OPCML: variants seen among roughly 807,000 people sequenced by gnomAD.
The protein encoded by OPCML is opioid binding protein/cell adhesion molecule like.
Under a neutral mutation model 37.8 loss-of-function variants are expected in OPCML, and 13 were observed. That is an observed-to-expected ratio of 0.34 (90% CI 0.22 to 0.55). The LOEUF is 0.55. Ranked by LOEUF, OPCML falls within the 20% of genes least tolerant of loss-of-function variation. OPCML has a pLI of 0.91. For synonymous variants in OPCML, 176 were observed against 168.8 expected (o/e 1.04, Z -0.33); for missense variants, 341 against 435.6 (o/e 0.78, Z 1.93).
intron 4 of OPCML, among the ~76,000 whole-genome samples, chr11:132,438,745 T>G (rs2096021770): frequency 6.6e-6 from 1 of 151,158 alleles, no homozygotes; most frequent in East Asian, 2.0e-4. Flanking sequence ...TGGGCTAGTG[T>G]GTAGTGTGTA....
intron 1 of OPCML, among the ~76,000 whole-genome samples, chr11:133,230,794 T>G (rs1940244602): frequency 6.6e-6 from 1 of 152,142 alleles, no homozygotes; most frequent in Non-Finnish European, 1.5e-5. Context: ...TTTCGCAAAG[T>G]GCCGCATTTC....
chr11:133,521,271 G>A (rs1034395128), intron 1 of OPCML, among the ~76,000 whole-genome samples: 5 of 152,218 alleles, frequency 3.3e-5, no homozygotes, highest in African/African-American at 4.8e-5. Flanking sequence ...GCTTGCCCAA[G>A]ATCACTTGGC....
chr11:133,108,239 T>C (rs1464109360), intron 1 of OPCML, among the ~76,000 whole-genome samples: 1 of 152,188 alleles, frequency 6.6e-6, no homozygotes, highest in South Asian at 2.1e-4. Context: ...CAGAGGAGAA[T>C]TGCTGCGAAT....
chr11:132,931,646 T>C lies in OPCML; in HGVS notation c.146+11280A>G, dbSNP rs117935090. ...TTAAAGTCACTATTAATGAAAATAA[T>C]AGAAACAGAAAATAAGTGTTGGCAA... On this transcript the variant is annotated intron_variant, in intron 2 of 7. Transcript: ENST00000524381. Among the ~76,000 whole-genome samples the C allele has an allele frequency of 2.9e-3, 442 of 152,210 alleles. 1 individual carries two copies. The highest frequency in any genetic ancestry group is 4.9e-3 in the Non-Finnish European group (333 of 67,982).
chr11:133,064,651 T>C (rs1948409875), intron 1 of OPCML: 1 of 152,278 alleles, frequency 6.6e-6, no homozygotes, highest in Admixed American at 6.5e-5. Flanking sequence ...GGAATGGGAC[T>C]TCCGGGCCGG....
chr11:132,655,101 G>A (rs1356754520), intron 3 of OPCML, among the ~76,000 whole-genome samples: 1 of 152,210 alleles, frequency 6.6e-6, no homozygotes, highest in African/African-American at 2.4e-5. Flanking sequence ...ATTATGTTGT[G>A]CATTGACTTT....
At chr11:133,068,342 C>T (rs1948472086) in intron 1 of OPCML, among the ~76,000 whole-genome samples, 1 of 152,200 alleles carries the variant, frequency 6.6e-6, no homozygotes, top group Non-Finnish European at 1.5e-5. Context: ...GAAGAACATC[C>T]TCATTCACTA....
chr11:132,895,532 G>T (rs972302136), intron 2 of OPCML, among the ~76,000 whole-genome samples: 2 of 152,202 alleles, frequency 1.3e-5, no homozygotes, highest in Non-Finnish European at 2.9e-5. Context: ...AGCTCCGCAG[G>T]CGTCTGTGGT....
At chr11:133,415,597 C>CA (rs1945743351) in intron 1 of OPCML, among the ~76,000 whole-genome samples, 1 of 152,146 alleles carries the variant, frequency 6.6e-6, no homozygotes, top group South Asian at 2.1e-4. Flanking sequence ...ATCAGCAGAA[C>CA]AATGGCCTCT....
At chr11:132,684,806 G>T (rs117043079) in intron 2 of OPCML, among the ~76,000 whole-genome samples, 1 of 152,018 alleles carries the variant, frequency 6.6e-6, no homozygotes, top group African/African-American at 2.4e-5. Context: ...ATAACTTTGC[G>T]GTCACTGTTG....
intron 3 of OPCML, among the ~76,000 whole-genome samples, chr11:132,655,862 C>CT (rs1181492812): frequency 0.023 from 3,101 of 134,380 alleles, 43 homozygotes; most frequent in Non-Finnish European, 0.036. Context: ...CATCGTGGTC[C>CT]TTTTTTTTTT....
chr11:132,870,811 A>G (rs1319431639), intron 2 of OPCML, among the ~76,000 whole-genome samples: 1 of 152,204 alleles, frequency 6.6e-6, no homozygotes, highest in Admixed American at 6.5e-5. Context: ...ATAGAAAGAA[A>G]AGTGTTGTCA....
intron 1 of OPCML, among the ~76,000 whole-genome samples, chr11:132,947,422 A>G (rs147367044): frequency 5.9e-5 from 9 of 152,286 alleles, no homozygotes; most frequent in East Asian, 3.9e-4. Flanking sequence ...GCCTGTGTCT[A>G]TTTCCTTCTG....
At chr11:133,140,964 A>C (rs1242311775) in intron 1 of OPCML, among the ~76,000 whole-genome samples, 31 of 2,380 alleles carry the variant, frequency 0.013, 5 homozygotes, top group African/African-American at 0.018. Context: ...AAGAAGAAGA[A>C]GAAGAAGAAG....
chr11:132,701,510 C>T (rs1943816067), intron 2 of OPCML, among the ~76,000 whole-genome samples: 1 of 152,136 alleles, frequency 6.6e-6, no homozygotes, highest in Non-Finnish European at 1.5e-5. Flanking sequence ...TTTGCCTATC[C>T]TTTCACTTTC....
At chr11:133,171,062 C>G (rs1454364436) in intron 1 of OPCML, among the ~76,000 whole-genome samples, 1 of 152,220 alleles carries the variant, frequency 6.6e-6, no homozygotes, top group Non-Finnish European at 1.5e-5. Flanking sequence ...ACCAGCAAGA[C>G]AGCTGAAAGT....
At chr11:132,859,842 T>A (rs1942223429) in intron 2 of OPCML, among the ~76,000 whole-genome samples, 1 of 152,212 alleles carries the variant, frequency 6.6e-6, no homozygotes. Context: ...GCCTATTCAT[T>A]TCCATCATTT....
At chr11:133,024,082 A>G (rs1349689022) in intron 1 of OPCML, among the ~76,000 whole-genome samples, 2 of 152,210 alleles carry the variant, frequency 1.3e-5, no homozygotes, top group African/African-American at 4.8e-5. Context: ...GCTCCCTCCC[A>G]TGTGATCATT....
chr11:133,035,184 G>A (rs531154596), intron 1 of OPCML, among the ~76,000 whole-genome samples: 65 of 152,308 alleles, frequency 4.3e-4, no homozygotes, highest in African/African-American at 1.4e-3. Flanking sequence ...CAGCCAGCCC[G>A]ACAGGGGAGG....
Sources: allele counts gnomAD v4.1 joint callset (sites outside exome capture counted in the v4.1 genomes callset), GRCh38; gene constraint gnomAD v4.1.1; transcripts MANE v1.5; gene names NCBI Gene and HGNC (gene_info 2026-07-23, HGNC 2026-07-21).